ALKBH8: variants seen among roughly 807,000 people sequenced by gnomAD.
ALKBH8 encodes the protein tRNA (carboxymethyluridine(34)-5-O)-methyltransferase ALKBH8.
Under a neutral mutation model 59.8 loss-of-function variants are expected in ALKBH8, and 36 were observed. The observed-to-expected ratio is 0.60, with a 90% CI of 0.46 to 0.79. ALKBH8 has a LOEUF of 0.79. ALKBH8 is among the 30% of genes least tolerant of loss of function. ALKBH8 has a pLI of 0.00. For missense variants in ALKBH8, 768 were observed against 801.0 expected (o/e 0.96, Z 0.50); for synonymous variants, 276 against 273.6 (o/e 1.01, Z -0.09).
At chr11:107,542,929 C>T (rs931116539) in intron 7 of ALKBH8, among the ~76,000 whole-genome samples, 2 of 151,446 alleles carry the variant, frequency 1.3e-5, no homozygotes, top group African/African-American at 4.9e-5. Context: ...GAATATTTGC[C>T]ATGTTCTGAA....
At chr11:107,529,718 T>A (rs544557672) in intron 8 of ALKBH8, among the ~76,000 whole-genome samples, 1 of 151,632 alleles carries the variant, frequency 6.6e-6, no homozygotes, top group African/African-American at 2.4e-5. Context: ...TTGGCCAGTC[T>A]GGTCTCGGAC....
chr11:107,530,057 TTTCAA>T (rs1863521507), intron 8 of ALKBH8, among the ~76,000 whole-genome samples: 2 of 152,114 alleles, frequency 1.3e-5, no homozygotes, highest in African/African-American at 4.8e-5. Flanking sequence ...TCTTCTCAAT[TTTCAA>T]GAGAAGCTGA....
chr11:107,517,809 G>T (rs1348532908), intron 10 of ALKBH8, among the ~76,000 whole-genome samples: 1 of 152,196 alleles, frequency 6.6e-6, no homozygotes, highest in African/African-American at 2.4e-5. Flanking sequence ...CAAAATTTTA[G>T]ATAGGAGGAA....
chr11:107,558,871 A>C (rs2135590484), intron 2 of ALKBH8, among the ~76,000 whole-genome samples: 2 of 152,276 alleles, frequency 1.3e-5, no homozygotes, highest in Non-Finnish European at 2.9e-5. Context: ...TGCTCTAGAA[A>C]AATCTGTAAT....
Position 107,525,595 on chromosome 11 carries a change from A to G in ALKBH8, c.879-3T>C. 1 of 1,370,254 alleles carries G rather than the reference A, an allele frequency of 7.3e-7. No homozygotes were observed. Among genetic ancestry groups the G allele is most frequent in the Non-Finnish European group, 9.5e-7 (1 of 1,057,586 alleles). 84.9% of individuals were successfully genotyped at this position (1,370,254 alleles called of 1,614,324 possible). ...TATCAAATTTTCTGCACGTGATTCT[A>G]AAAACAATAGTCAAAAAAATTTACT... On this transcript the variant is annotated splice_region_variant and splice_polypyrimidine_tract_variant and intron_variant, in intron 8 of 11. Coordinates refer to ENST00000428149, the MANE Select transcript of ALKBH8 (RefSeq NM_138775.3).
chr11:107,547,975 G>C (rs56865667), intron 7 of ALKBH8, among the ~76,000 whole-genome samples: 7,157 of 152,240 alleles, frequency 0.047, 356 homozygotes, highest in East Asian at 0.22. Context: ...GGCGCTGGGG[G>C]GGATATTGAG....
chr11:107,511,432 G>T (rs1862620021), intron 10 of ALKBH8, among the ~76,000 whole-genome samples: 2 of 152,232 alleles, frequency 1.3e-5, no homozygotes, highest in African/African-American at 4.8e-5. Flanking sequence ...CAAATAAGAT[G>T]TTCTAAGATA....
rs1862330971 is a variant in ALKBH8, at chr11:107,505,206, C to T, written c.1447G>A (p.Val483Met). ...IHHFATAERRVAALQEIVRLL... is the reference protein window; with the variant it reads ...IHHFATAERRMAALQEIVRLL... ...CGAACAATTTCTTGGAGAGCTGCCA[C>T]TCTACGCTCCTAATGAAAAAAAACA... Residue 483 changes from valine (V) to methionine (M), a missense_variant, in exon 12 of 12, where the codon GTG (valine) becomes ATG (methionine). Transcript: ENST00000428149. The T allele has an allele frequency of 1.3e-6, 2 of 1,534,886 alleles. No homozygotes were observed. Among genetic ancestry groups the T allele is most frequent in the Non-Finnish European group, 8.8e-7 (1 of 1,139,384 alleles).
At chr11:107,535,843 T>G (rs1863793276) in intron 7 of ALKBH8, among the ~76,000 whole-genome samples, 1 of 150,112 alleles carries the variant, frequency 6.7e-6, no homozygotes, top group Non-Finnish European at 1.5e-5. Context: ...ACTGAGTGAG[T>G]GAGGGTACAC....
At chr11:107,528,987 T>C (rs955032475) in intron 8 of ALKBH8, among the ~76,000 whole-genome samples, 2 of 152,134 alleles carry the variant, frequency 1.3e-5, no homozygotes, top group Non-Finnish European at 2.9e-5. Context: ...AAGAGCTATA[T>C]GTTAACAGAT....
At chr11:107,555,229 C>T (rs1326370993) in intron 3 of ALKBH8, among the ~76,000 whole-genome samples, 1 of 151,948 alleles carries the variant, frequency 6.6e-6, no homozygotes, top group Admixed American at 6.6e-5. Flanking sequence ...CACTGCACTC[C>T]AGCCTAGGTG....
At chr11:107,557,147 T>C (rs1864753374) in intron 2 of ALKBH8, 144 bp from the exon 3 acceptor site, 10 of 585,132 alleles carry the variant, frequency 1.7e-5, no homozygotes, top group Non-Finnish European at 1.3e-5. Flanking sequence ...GGTTTGCTAA[T>C]TTCATACAAA....
At position 107,503,783 on chromosome 11, in the gene ALKBH8, T is replaced by C. The variant is rs549176159; in HGVS notation, c.*875A>G. On this transcript the variant is annotated 3_prime_UTR_variant, in exon 12 of 12. Transcript: ENST00000428149. Reference sequence around the variant, plus strand: ...AAACAAAGGAGTTAAAGGAGCACATTTGGGTTGTTTTTAGCACCCTGCTCA... The same window carrying C: ...AAACAAAGGAGTTAAAGGAGCACATCTGGGTTGTTTTTAGCACCCTGCTCA... 1.3e-5 allele frequency: 2 copies of C among 152,336 alleles called. No homozygotes were observed. Among genetic ancestry groups the C allele is most frequent in the South Asian group, 2.1e-4 (1 of 4,830 alleles). 9.4% of individuals were successfully genotyped at this position (152,336 alleles called of 1,614,324 possible).
intron 11 of ALKBH8, 28 bp from the exon 12 acceptor site, chr11:107,505,243 C>A: frequency 6.7e-7 from 1 of 1,491,276 alleles, no homozygotes; most frequent in Admixed American, 2.3e-5. Context: ...AACACATGAT[C>A]AACCTGGAAG....
intron 10 of ALKBH8, among the ~76,000 whole-genome samples, chr11:107,516,700 C>A: frequency 6.6e-6 from 1 of 152,138 alleles, no homozygotes; most frequent in Non-Finnish European, 1.5e-5. Flanking sequence ...GCAAACTATA[C>A]ATGTGATAAG....
chr11:107,550,894 T>C (rs763410379), intron 6 of ALKBH8, among the ~76,000 whole-genome samples: 32 of 152,092 alleles, frequency 2.1e-4, no homozygotes, highest in Non-Finnish European at 3.8e-4. Flanking sequence ...AGGAACCCAA[T>C]CAACCAGCAC....
chr11:107,557,393 A>G (rs1864761737), intron 2 of ALKBH8, among the ~76,000 whole-genome samples: 1 of 152,176 alleles, frequency 6.6e-6, no homozygotes, highest in Admixed American at 6.5e-5. Flanking sequence ...GCTTTTATCT[A>G]CTCAATCCTC....
At chr11:107,532,683 T>C (rs1246363939) in intron 7 of ALKBH8, among the ~76,000 whole-genome samples, 2 of 152,092 alleles carry the variant, frequency 1.3e-5, no homozygotes, top group Non-Finnish European at 2.9e-5. Context: ...CAAGAAATTA[T>C]GAAGCAGGTG....
chr11:107,511,300 A>C (rs1470411783), intron 10 of ALKBH8, among the ~76,000 whole-genome samples: 3 of 152,172 alleles, frequency 2.0e-5, no homozygotes, highest in Non-Finnish European at 4.4e-5. Context: ...ATAGTGGTGG[A>C]AATGGGAGGT....
Sources: allele counts gnomAD v4.1 joint callset (sites outside exome capture counted in the v4.1 genomes callset), GRCh38; gene constraint gnomAD v4.1.1; transcripts MANE v1.5; gene names NCBI Gene and HGNC (gene_info 2026-07-23, HGNC 2026-07-21).